The following DNAH2 variants were observed in gnomAD, a reference collection of about 807,000 sequenced individuals.
DNAH2 encodes the protein dynein axonemal heavy chain 2, also known as axonemal beta dynein heavy chain 2.
Under a neutral mutation model 523.5 loss-of-function variants are expected in DNAH2, and 323 were observed. The observed-to-expected ratio is 0.62, with a 90% CI of 0.56 to 0.68. The LOEUF (loss-of-function observed/expected upper bound fraction) is 0.68, where lower values mean the gene tolerates loss of function less well. Among genes scored for constraint, DNAH2 ranks in the 30% least tolerant of loss-of-function variants. The pLI is 0.00. For missense variants in DNAH2, 4,907 were observed against 5,701.5 expected, an observed-to-expected ratio of 0.86 and a Z score of 4.49; for synonymous variants, 2,093 against 2,177.4, an observed-to-expected ratio of 0.96 and a Z score of 1.08.
rs566218601 is a variant in DNAH2 at position 7,825,522 on chromosome 17, T to TG, written c.11853+796dup. Among the ~76,000 whole-genome samples the TG allele has an allele frequency of 4.3e-4, 65 of 152,318 alleles. 2 individuals carry two copies. In the East Asian group the frequency reaches 0.011, roughly 25 times the overall value. ...CCCTGGCTCCCTGACACATCACTCC[T>TG]GCTTTCCCCGCTGTCTTTTGACATA... On this transcript the variant is annotated intron_variant, in intron 77 of 85. Transcript: ENST00000572933.
At chr17:7,814,202 A>C (rs1038166434) in intron 63 of DNAH2, among the ~76,000 whole-genome samples, 2 of 151,292 alleles carry the variant, frequency 1.3e-5, no homozygotes, top group Non-Finnish European at 2.9e-5. Flanking sequence ...AAAAAAAAAA[A>C]AACAGATAGT....
At chr17:7,721,846 C>T (rs981496527) in intron 2 of DNAH2, among the ~76,000 whole-genome samples, 1 of 152,096 alleles carries the variant, frequency 6.6e-6, no homozygotes, top group African/African-American at 2.4e-5. Context: ...GCTCAGCAGG[C>T]CAGTGGTTTG....
At position 7,758,491 on chromosome 17, in the gene DNAH2, A is replaced by G. The variant is rs2075906872; in HGVS notation, c.2052-4A>G. The stretch of plus-strand genomic sequence containing the variant: ...TCTGGATACCAGGCCTCTCTTATGC[A>G]CAGGATTATTGCCATGCTGTCCCCA... On this transcript the variant is annotated splice_polypyrimidine_tract_variant and splice_region_variant and intron_variant, in intron 13 of 85. Transcript: ENST00000572933. 1 of 1,613,058 alleles carries G rather than the reference A, an allele frequency of 6.2e-7. No homozygotes were observed. Among genetic ancestry groups the G allele is most frequent in the Admixed American group, 1.7e-5 (1 of 59,850 alleles).
chr17:7,764,782 C>CTTTTTTTTTTTT (rs59188289), intron 20 of DNAH2, among the ~76,000 whole-genome samples: 6 of 49,502 alleles, frequency 1.2e-4, no homozygotes, highest in Non-Finnish European at 1.1e-4. Context: ...ACTGTATTTA[C>CTTTTTTTTTTTT]TTTTTTTTTT....
At chr17:7,785,662 A>C (rs2076713842) in intron 39 of DNAH2, among the ~76,000 whole-genome samples, 1 of 152,138 alleles carries the variant, frequency 6.6e-6, no homozygotes, top group Non-Finnish European at 1.5e-5. Flanking sequence ...ATTACTTTTT[A>C]ACTTAGGTAA....
In DNAH2 at chr17:7,798,518, A is replaced by C. The variant is rs774778635; in HGVS notation, c.8399-40A>C. ...AAAAGGAATCAAGCCCAGGATGGGG[A>C]ATCTGCAGTGAGTTTGTCCTCCTTC... On this transcript the variant is annotated intron_variant, in intron 54 of 85. Coordinates refer to ENST00000572933, the MANE Select transcript of DNAH2 (RefSeq NM_020877.5). This position sits in a 1 kb window ranked among gnomAD's most constrained non-coding sequence, Gnocchi z 5.5. 1.9e-6 allele frequency: 3 copies of C among 1,609,658 alleles called. No homozygotes were observed. Among genetic ancestry groups the C allele is most frequent in the Non-Finnish European group, 2.5e-6 (3 of 1,177,884 alleles).
At chr17:7,747,054 A>G (rs1199861673) in intron 12 of DNAH2, among the ~76,000 whole-genome samples, 9 of 152,072 alleles carry the variant, frequency 5.9e-5, no homozygotes, top group Non-Finnish European at 1.3e-4. Context: ...CATATCCCCA[A>G]TCCCTAGAGG....
chr17:7,793,966 GT>G (rs559258646), intron 48 of DNAH2, among the ~76,000 whole-genome samples: 2,765 of 152,158 alleles, frequency 0.018, 85 homozygotes, highest in African/African-American at 0.06. Context: ...AGACACAAAT[GT>G]TTTTTTACTT....
At position 7,740,400 on chromosome 17, in the gene DNAH2, A is replaced by G; in HGVS notation, c.1377-20A>G. 6.2e-7 allele frequency: 1 copy of G among 1,613,614 alleles called. No homozygotes were observed. The highest frequency in any genetic ancestry group is 1.3e-5 in the African/African-American group (1 of 75,044). ...GCAGGCGAGGGCACTCAGCTGCCAC[A>G]TGCCTCTCCACCGGTGCAGGTTCCG... On this transcript the variant is annotated intron_variant, in intron 9 of 85. Transcript: ENST00000572933.
rs758082704 is a variant in DNAH2 at position 7,734,583 on chromosome 17, T to C, written c.853T>C (p.Cys285Arg). The change falls in exon 7 of 86, where the codon TGC (cysteine) becomes CGC (arginine). Residue 285 changes from cysteine (C) to arginine (R), a missense_variant. By Grantham distance (180) the Cys-to-Arg change is radical. Transcript: ENST00000572933. ...LEEIEFWRNR[C>R]MDLSGISKQL... ...GGAGATTGAGTTCTGGCGCAACCGA[T>C]GCATGGACCTGTCTGGCATCAGTAA... is the stretch of plus-strand genomic sequence containing the variant. 5.6e-6 allele frequency: 9 copies of C among 1,613,648 alleles called. No homozygotes were observed. Among genetic ancestry groups the C allele is most frequent in the Non-Finnish European group, 6.8e-6 (8 of 1,179,968 alleles).
Position 7,759,834 on chromosome 17 carries a change from A to G in DNAH2, c.2681A>G (p.Asn894Ser), listed in dbSNP as rs567846928. ...CTGCAGACTTTGGCAGGTGTGGTCA[A>G]TGACATTGGCAACCACCTCTTTTCC... ...PTLQTLAGVV[N>S]DIGNHLFSTI... is the part of the protein sequence containing the mutation. Residue 894 changes from asparagine to serine, a missense_variant, in exon 17 of 86, where the codon AAT becomes AGT. Physicochemically the swap from Asn to Ser is conservative, Grantham distance 46. Coordinates refer to ENST00000572933, the MANE Select transcript of DNAH2 (RefSeq NM_020877.5). The G allele has an allele frequency of 1.9e-6, 3 of 1,614,174 alleles. No individual in the cohort carries two copies. The highest frequency in any genetic ancestry group is 1.3e-5 in the African/African-American group (1 of 75,024).
chr17:7,770,195 C>G (rs1171660170), intron 24 of DNAH2, 57 bp from the exon 25 acceptor site: 13 of 1,518,316 alleles, frequency 8.6e-6, no homozygotes, highest in Non-Finnish European at 1.1e-5. Context: ...CAGTGGGAGA[C>G]AGCAATGGAG....
At chr17:7,730,716 G>A (rs912829961) in intron 4 of DNAH2, among the ~76,000 whole-genome samples, 1 of 152,034 alleles carries the variant, frequency 6.6e-6, no homozygotes, top group African/African-American at 2.4e-5. Flanking sequence ...TGAGACAATC[G>A]CTTGAACCCG....
rs760259722 is a variant in DNAH2, at chr17:7,804,429, T to C, written c.9146T>C (p.Ile3049Thr). Residue 3049 changes from isoleucine (I) to threonine (T), a missense_variant, in exon 59 of 86, where the codon ATT becomes ACT. By Grantham distance (89) the Ile-to-Thr change is moderately conservative. This residue lies in a region of DNAH2 where 1,851 missense variants were observed against 2,139.4 expected (regional missense o/e 0.87). Transcript: ENST00000572933. ...QKQCEEYLVI[I>T]VQQKREADEQ... ...CAGTGTGAGGAGTACCTGGTCATCA[T>C]TGTGCAGCAGAAGCGGGAGGCAGAT... 9 of 1,613,928 alleles carry C rather than the reference T, an allele frequency of 5.6e-6. No individual in the cohort carries two copies. The highest frequency in any genetic ancestry group is 2.2e-5 in the South Asian group (2 of 91,070).
At chr17:7,770,040 C>T (rs1410721036) in intron 24 of DNAH2, among the ~76,000 whole-genome samples, 1 of 152,222 alleles carries the variant, frequency 6.6e-6, no homozygotes, top group East Asian at 1.9e-4. Context: ...GGCACACCTG[C>T]CTTAACTTCC....
At chr17:7,772,914 A>G (rs2076357160) in intron 28 of DNAH2, among the ~76,000 whole-genome samples, 1 of 152,212 alleles carries the variant, frequency 6.6e-6, no homozygotes, top group African/African-American at 2.4e-5. Context: ...CTGGGACTAC[A>G]GGCGTGTGCC....
At chr17:7,722,731 G>A (rs1305635855) in intron 2 of DNAH2, among the ~76,000 whole-genome samples, 1 of 152,100 alleles carries the variant, frequency 6.6e-6, no homozygotes, top group Non-Finnish European at 1.5e-5. Flanking sequence ...CCTTCTGATG[G>A]CTGAATAATA....
intron 5 of DNAH2, 138 bp from the exon 6 acceptor site, chr17:7,734,045 A>C (rs1440495039): frequency 1.4e-6 from 1 of 690,508 alleles, no homozygotes; most frequent in Non-Finnish European, 2.4e-6. Context: ...TCAAAAAAGC[A>C]TGAGTCACCA....
In DNAH2 at chr17:7,806,998, A is replaced by G. The variant is rs112832262; in HGVS notation, c.9443-152A>G. On this transcript the variant is annotated intron_variant, in intron 61 of 85. Transcript: ENST00000572933. ...AGGTGCCCAGAGACAGAGTCAAGTC[A>G]GAGGGAGGAACTAGGGGCCAGGTCA... The G allele has an allele frequency of 4.1e-4, 349 of 859,976 alleles. 1 individual carries two copies. In the African/African-American group the frequency reaches 4.9e-3, roughly 12 times the overall value. 53.3% of individuals were successfully genotyped at this position (859,976 alleles called of 1,614,324 possible).
Sources: allele counts gnomAD v4.1 joint callset (sites outside exome capture counted in the v4.1 genomes callset), GRCh38; gene constraint gnomAD v4.1.1; regional missense constraint gnomAD v4.1.1; non-coding constraint Gnocchi (gnomAD v3.1); transcripts MANE v1.5; gene names NCBI Gene and HGNC (gene_info 2026-07-23, HGNC 2026-07-21).